Variants in SLC2A3 observed in about 807,000 individuals in gnomAD.
SLC2A3 encodes solute carrier family 2 member 3, also known as solute carrier family 2, facilitated glucose transporter member 3.
SLC2A3 carries 21 observed loss-of-function variants against 46.4 expected under a neutral mutation model. That is an observed-to-expected ratio of 0.45 (90% confidence interval 0.32 to 0.65). SLC2A3 has a LOEUF of 0.65. SLC2A3 is among the 30% of genes least tolerant of loss of function. The pLI, the probability that SLC2A3 is intolerant of heterozygous loss-of-function variation, is 0.04. For synonymous variants in SLC2A3, 213 were observed against 239.4 expected, an observed-to-expected ratio of 0.89 and a Z score of 1.02; for missense variants, 499 against 623.3, an observed-to-expected ratio of 0.80 and a Z score of 2.12.
At chr12:7,927,979 G>T (rs191627571) in intron 6 of SLC2A3, among the ~76,000 whole-genome samples, 1 of 152,100 alleles carries the variant, frequency 6.6e-6, no homozygotes, top group Admixed American at 6.6e-5. Flanking sequence ...AATCTGGGCT[G>T]TAATCCCACC....
In SLC2A3 at chr12:7,920,539, A is replaced by G. The variant is rs754816858; in HGVS notation, c.*874T>C. The stretch of plus-strand genomic sequence containing the variant: ...ATGTAAACTATTATCTTAAAGAAAA[A>G]AGCTCCAAAGGAAATCAGTAGCTTT... On this transcript the variant is annotated 3_prime_UTR_variant, in exon 10 of 10. Transcript: ENST00000075120. The G allele has an allele frequency of 6.6e-6, 1 of 152,236 alleles. No individual in the cohort carries two copies. The highest frequency in any genetic ancestry group is 1.5e-5 in the Non-Finnish European group (1 of 68,012). 9.4% of individuals were successfully genotyped at this position (152,236 alleles called of 1,614,324 possible).
intron 3 of SLC2A3, among the ~76,000 whole-genome samples, chr12:7,932,207 T>C (rs1028812388): frequency 1.4e-4 from 21 of 151,752 alleles, no homozygotes; most frequent in African/African-American, 4.6e-4. Flanking sequence ...GGTTTTGCTC[T>C]TTCGCCCAGG....
rs1351791580 is a variant in SLC2A3 at position 7,931,493 on chromosome 12, G to T, written c.270-8C>A. The stretch of plus-strand genomic sequence containing the variant: ...ATCAGCATTGAATTGCGCCTGTAAG[G>T]TTAATCAAAGACAAAGTAGAATTAG... On this transcript the variant is annotated splice_polypyrimidine_tract_variant and splice_region_variant and intron_variant, in intron 3 of 9. Transcript: ENST00000075120. The T allele has an allele frequency of 5.0e-6, 8 of 1,613,922 alleles. No individual in the cohort carries two copies. Among genetic ancestry groups the T allele is most frequent in the African/African-American group, 2.7e-5 (2 of 75,010 alleles).
At chr12:7,927,053 T>C (rs1227485372) in intron 6 of SLC2A3, among the ~76,000 whole-genome samples, 1 of 152,154 alleles carries the variant, frequency 6.6e-6, no homozygotes, top group African/African-American at 2.4e-5. Flanking sequence ...TATTTATTAG[T>C]CTTTTTTATG....
rs749874527 is a variant in SLC2A3, at chr12:7,933,004, G to A, written c.252C>T (p.Phe84=). The stretch of plus-strand genomic sequence containing the variant: ...GTCAATACCTGCCAAAGCGGTTGAC[G>A]AAGAGTCCGACGGAAAAGGAGCCGA... ...GMIGSFSVGL[F]VNRFGRRNSM... Residue 84 remains phenylalanine, a synonymous_variant, in exon 3 of 10, where the codon TTC becomes TTT. Coordinates refer to ENST00000075120, the MANE Select transcript of SLC2A3 (RefSeq NM_006931.3). 1.2e-5 allele frequency: 19 copies of A among 1,614,052 alleles called. No individual in the cohort carries two copies. Among genetic ancestry groups the A allele is most frequent in the African/African-American group, 1.1e-4 (8 of 74,978 alleles).
intron 4 of SLC2A3, 148 bp from the exon 5 acceptor site, chr12:7,930,790 TGG>T: frequency 6.2e-6 from 4 of 649,070 alleles, no homozygotes; most frequent in Non-Finnish European, 4.6e-6. Flanking sequence ...CTACTCAGCA[TGG>T]TTTTTTTTTT....
intron 6 of SLC2A3, among the ~76,000 whole-genome samples, chr12:7,928,101 ACCT>A: frequency 1.3e-5 from 2 of 150,258 alleles, no homozygotes; most frequent in Middle Eastern, 7.0e-3. Context: ...ACAAGACTTC[ACCT>A]CAAAAAAAGG....
At position 7,930,627 on chromosome 12, in the gene SLC2A3, A is replaced by G. The variant is rs369478427; in HGVS notation, c.526T>C (p.Phe176Leu). 4.0e-5 allele frequency: 64 copies of G among 1,613,280 alleles called. 1 individual carries two copies. The highest frequency in any genetic ancestry group is 3.1e-4 in the African/African-American group (23 of 74,982). ...CATAGCTCTTCAGACCCAAGGATGA[A>G]TTCCAGACCAAAGATCTAGAAACCA... Reference protein sequence around the residue: ...ILVAQIFGLEFILGSEELWPL... With the variant: ...ILVAQIFGLELILGSEELWPL... Residue 176 changes from phenylalanine (F) to leucine (L), a missense_variant, in exon 5 of 10, where the codon TTC (phenylalanine) becomes CTC (leucine). By Grantham distance (22) the Phe-to-Leu change is conservative. Transcript: ENST00000075120.
chr12:7,923,241 T>A, intron 8 of SLC2A3: 1 of 512,816 alleles, frequency 2.0e-6, no homozygotes, highest in Non-Finnish European at 3.4e-6. Flanking sequence ...CTACAATAGC[T>A]CACTGCATCA....
At chr12:7,928,308 G>T (rs1335055644) in intron 6 of SLC2A3, among the ~76,000 whole-genome samples, 1 of 151,952 alleles carries the variant, frequency 6.6e-6, no homozygotes, top group Non-Finnish European at 1.5e-5. Context: ...TGAGGCAGGA[G>T]AATCGCTTGA....
At chr12:7,927,086 T>A (rs1394355701) in intron 6 of SLC2A3, among the ~76,000 whole-genome samples, 2 of 152,132 alleles carry the variant, frequency 1.3e-5, no homozygotes, top group African/African-American at 4.8e-5. Flanking sequence ...TACATTGGGA[T>A]TTACCTTCTC....
intron 7 of SLC2A3, 166 bp downstream of exon 7, chr12:7,925,678 T>C (rs1946088115): frequency 6.7e-6 from 4 of 599,206 alleles, no homozygotes; most frequent in Non-Finnish European, 1.2e-5. Context: ...CCATATTTGC[T>C]TGAAGAGTGA....
chr12:7,929,936 T>A, intron 5 of SLC2A3, 65 bp from the exon 6 acceptor site: 1 of 1,608,240 alleles, frequency 6.2e-7, no homozygotes, highest in South Asian at 1.1e-5. Context: ...ATTCTTCCTG[T>A]AAGGCAGCCA....
intron 2 of SLC2A3, 114 bp downstream of exon 2, chr12:7,933,696 T>G (rs1490554630): frequency 7.2e-6 from 8 of 1,104,510 alleles, no homozygotes; most frequent in Non-Finnish European, 1.1e-5. Context: ...CAGGAGTAGC[T>G]GGGACTCCAG....
At chr12:7,933,483 G>A (rs762068935) in intron 2 of SLC2A3, 14 of 464,762 alleles carry the variant, frequency 3.0e-5, no homozygotes, top group East Asian at 1.5e-4. Context: ...ACCGCCCAGC[G>A]TTCCGGGAGT....
At chr12:7,923,486 G>C (rs775045706) in intron 8 of SLC2A3, among the ~76,000 whole-genome samples, 1 of 152,100 alleles carries the variant, frequency 6.6e-6, no homozygotes, top group Non-Finnish European at 1.5e-5. Context: ...GTGGTGGCAC[G>C]TGCCTATAAT....
At chr12:7,931,579 T>C (rs2121197624) in intron 3 of SLC2A3, 94 bp from the exon 4 acceptor site, 3 of 1,512,716 alleles carry the variant, frequency 2.0e-6, no homozygotes, top group Non-Finnish European at 1.8e-6. Context: ...TCCAGGCTCA[T>C]ATCATCCCTT....
At chr12:7,923,063 C>G in intron 8 of SLC2A3, 39 bp from the exon 9 acceptor site, 1 of 1,570,656 alleles carries the variant, frequency 6.4e-7, no homozygotes, top group Non-Finnish European at 8.6e-7. Flanking sequence ...AATTTAAAGA[C>G]AGTGTAACCT....
chr12:7,927,120 A>G (rs1267110220), intron 6 of SLC2A3, among the ~76,000 whole-genome samples: 1 of 152,120 alleles, frequency 6.6e-6, no homozygotes, highest in African/African-American at 2.4e-5. Context: ...TTAAATCCCT[A>G]GTACGTAAGA....
Sources: gnomAD v4.1 joint callset for allele counts (sites outside exome capture counted in the v4.1 genomes callset) on GRCh38, gnomAD v4.1.1 for gene constraint, MANE v1.5 for transcripts, NCBI Gene and HGNC (gene_info 2026-07-23, HGNC 2026-07-21) for gene names.